The following ERC2 variants were observed in gnomAD, a reference collection of about 807,000 sequenced individuals.
The protein encoded by ERC2 is ELKS/RAB6-interacting/CAST family member 2.
In ERC2, 42 loss-of-function variants were observed where a neutral mutation model predicts 114.8. The observed-to-expected ratio is 0.37, with a 90% CI of 0.29 to 0.47. The LOEUF (loss-of-function observed/expected upper bound fraction) is 0.47. ERC2 is among the 20% of genes least tolerant of loss of function. The pLI is 0.99. For missense variants in ERC2, 939 were observed against 1,150.7 expected (o/e 0.82, Z 2.66); for synonymous variants, 454 against 425.5 (o/e 1.07, Z -0.82).
chr3:55,539,214 A>G (rs137933012), intron 17 of ERC2, among the ~76,000 whole-genome samples: 270 of 152,234 alleles, frequency 1.8e-3, no homozygotes, highest in African/African-American at 6.3e-3. Context: ...TAAAAGCCCA[A>G]TGCTGGAACT....
At chr3:55,976,929 A>G (rs34917685) in intron 12 of ERC2, among the ~76,000 whole-genome samples, 40,312 of 152,134 alleles carry the variant, frequency 0.26, 5,620 homozygotes, top group Admixed American at 0.34. Flanking sequence ...GGAGGTGACT[A>G]GCAATGGGAT....
intron 14 of ERC2, among the ~76,000 whole-genome samples, chr3:55,846,530 G>A (rs767579002): frequency 1.6e-4 from 25 of 152,124 alleles, no homozygotes; most frequent in Admixed American, 5.9e-4. Flanking sequence ...AGATTGCTGG[G>A]TCAAATGGTA....
At chr3:56,033,258 T>C (rs931760167) in intron 7 of ERC2, among the ~76,000 whole-genome samples, 1 of 151,972 alleles carries the variant, frequency 6.6e-6, no homozygotes, top group Non-Finnish European at 1.5e-5. Flanking sequence ...ATTAGCTGGG[T>C]GTGGTGGTGC....
At chr3:55,617,254 A>G (rs1160150159) in intron 17 of ERC2, among the ~76,000 whole-genome samples, 1 of 152,208 alleles carries the variant, frequency 6.6e-6, no homozygotes, top group Non-Finnish European at 1.5e-5. Flanking sequence ...CCTCTACCTT[A>G]ACTCACACCA....
chr3:55,786,373 A>G (rs569022971), intron 14 of ERC2, among the ~76,000 whole-genome samples: 7 of 152,262 alleles, frequency 4.6e-5, no homozygotes, highest in Non-Finnish European at 1.0e-4. Flanking sequence ...AGCTCATTAC[A>G]GAGGAACAAA....
At chr3:56,297,797 G>T (rs1458853860) in intron 2 of ERC2, among the ~76,000 whole-genome samples, 1 of 152,208 alleles carries the variant, frequency 6.6e-6, no homozygotes, top group Non-Finnish European at 1.5e-5. Flanking sequence ...TATTGGAGCA[G>T]TCAACATTTT....
intron 17 of ERC2, among the ~76,000 whole-genome samples, chr3:55,561,043 T>G (rs990951208): frequency 6.6e-6 from 1 of 151,768 alleles, no homozygotes. Flanking sequence ...GACTGGCTCA[T>G]CAATATATCG....
intron 4 of ERC2, among the ~76,000 whole-genome samples, chr3:56,169,451 C>A (rs1441278167): frequency 1.3e-5 from 2 of 152,150 alleles, no homozygotes; most frequent in Non-Finnish European, 2.9e-5. Flanking sequence ...TGTGTTTTTA[C>A]ATTTTTTAAA....
chr3:55,942,282 T>A, intron 13 of ERC2, among the ~76,000 whole-genome samples: 1 of 113,698 alleles, frequency 8.8e-6, no homozygotes, highest in Non-Finnish European at 1.8e-5. Flanking sequence ...TTTTTTTTTT[T>A]TTTTTTTTTT....
intron 13 of ERC2, among the ~76,000 whole-genome samples, chr3:55,943,107 G>A (rs2149429662): frequency 6.6e-6 from 1 of 152,250 alleles, no homozygotes; most frequent in East Asian, 1.9e-4. Context: ...AATTATCCTG[G>A]CCAGGGAGAG....
chr3:55,912,918 T>C (rs1023431845), intron 13 of ERC2, among the ~76,000 whole-genome samples: 2 of 152,234 alleles, frequency 1.3e-5, no homozygotes, highest in Non-Finnish European at 2.9e-5. Context: ...CCAAATTTTT[T>C]CCATCAGTGC....
chr3:55,643,352 A>G (rs2060264484), intron 17 of ERC2, among the ~76,000 whole-genome samples: 1 of 152,236 alleles, frequency 6.6e-6, no homozygotes, highest in Non-Finnish European at 1.5e-5. Flanking sequence ...ATGAGCATCA[A>G]TCATCATCAT....
At chr3:56,139,286 T>C (rs1277671492) in intron 6 of ERC2, among the ~76,000 whole-genome samples, 3 of 152,236 alleles carry the variant, frequency 2.0e-5, no homozygotes, top group African/African-American at 7.2e-5. Context: ...AATGCAAAAA[T>C]ATGCATGTGT....
At chr3:56,050,832 C>T (rs1231785235) in intron 7 of ERC2, among the ~76,000 whole-genome samples, 2 of 152,178 alleles carry the variant, frequency 1.3e-5, no homozygotes, top group Admixed American at 1.3e-4. Flanking sequence ...AGACTGTATT[C>T]CCAATACCTA....
At chr3:55,743,608 A>G (rs1172787358) in intron 14 of ERC2, among the ~76,000 whole-genome samples, 3 of 151,512 alleles carry the variant, frequency 2.0e-5, no homozygotes, top group Non-Finnish European at 4.4e-5. Context: ...AAAAAAAAAA[A>G]AAAAAGAAAC....
At chr3:56,347,346 A>G (rs1471073485) in intron 2 of ERC2, among the ~76,000 whole-genome samples, 3 of 152,038 alleles carry the variant, frequency 2.0e-5, no homozygotes, top group Admixed American at 6.6e-5. Context: ...TCTGTGAACC[A>G]CATCTCTGCT....
chr3:55,780,363 G>T (rs923699432), intron 14 of ERC2, among the ~76,000 whole-genome samples: 1 of 152,198 alleles, frequency 6.6e-6, no homozygotes, highest in Non-Finnish European at 1.5e-5. Context: ...ATGCAGGAAT[G>T]TGTCAGGTTA....
At chr3:55,573,018 G>C (rs1324922647) in intron 17 of ERC2, among the ~76,000 whole-genome samples, 1 of 152,098 alleles carries the variant, frequency 6.6e-6, no homozygotes, top group Non-Finnish European at 1.5e-5. Flanking sequence ...AACTTCTCTG[G>C]GCCTCAGAAA....
chr3:56,208,234 G>A (rs1009916669), intron 3 of ERC2, among the ~76,000 whole-genome samples: 5 of 152,148 alleles, frequency 3.3e-5, no homozygotes, highest in African/African-American at 1.2e-4. Context: ...ATGTCATAGG[G>A]CTGCCACCAA....
Sources: allele counts gnomAD v4.1 joint callset (sites outside exome capture counted in the v4.1 genomes callset), GRCh38; gene constraint gnomAD v4.1.1; transcripts MANE v1.5; gene names NCBI Gene and HGNC (gene_info 2026-07-23, HGNC 2026-07-21).